The following RERE variants were observed in gnomAD, a reference collection of about 807,000 sequenced individuals.
RERE encodes the protein arginine-glutamic acid dipeptide repeats, also known as arginine-glutamic acid dipeptide repeats protein.
Under a neutral mutation model 146.1 loss-of-function variants are expected in RERE, and 40 were observed. The observed-to-expected ratio is 0.27, with a 90% CI of 0.21 to 0.36. RERE has a LOEUF of 0.36. RERE is among the 10% of genes least tolerant of loss of function. RERE has a pLI of 1.00. For missense variants in RERE, 1,933 were observed against 2,138.7 expected, an observed-to-expected ratio of 0.90 and a Z score of 1.90; for synonymous variants, 1,003 against 866.0, an observed-to-expected ratio of 1.16 and a Z score of -2.78.
At chr1:8,672,498 A>G (rs952713545) in intron 1 of RERE, among the ~76,000 whole-genome samples, 5 of 152,224 alleles carry the variant, frequency 3.3e-5, no homozygotes, top group African/African-American at 1.2e-4. Context: ...AAAGAGATCA[A>G]ATTATCAAAT....
At chr1:8,583,165 A>G (rs187695702) in intron 4 of RERE, among the ~76,000 whole-genome samples, 1 of 152,344 alleles carries the variant, frequency 6.6e-6, no homozygotes, top group African/African-American at 2.4e-5. Context: ...ATAAAAACTA[A>G]CATACTAGAA....
intron 11 of RERE, among the ~76,000 whole-genome samples, chr1:8,461,636 G>T (rs4908500): frequency 6.6e-6 from 1 of 152,040 alleles, no homozygotes. Context: ...CATCATACAC[G>T]CACACTGTCA....
At chr1:8,724,967 C>A (rs1229918234) in intron 1 of RERE, among the ~76,000 whole-genome samples, 2 of 149,424 alleles carry the variant, frequency 1.3e-5, no homozygotes, top group Admixed American at 6.7e-5. Context: ...TTAGTTTACA[C>A]ACCAATTCTG....
intron 12 of RERE, among the ~76,000 whole-genome samples, chr1:8,376,145 A>T (rs1439212289): frequency 6.6e-6 from 1 of 152,258 alleles, no homozygotes; most frequent in East Asian, 1.9e-4. Context: ...GGTTTAAAGC[A>T]CTAAGAGGAA....
At position 8,366,558 on chromosome 1, in the gene RERE, G is replaced by A. The variant is rs1038350883; in HGVS notation, c.1285-584C>T. Among the ~76,000 whole-genome samples the A allele has an allele frequency of 2.0e-5, 3 of 152,152 alleles. No individual in the cohort carries two copies. The East Asian group carries it at 5.8e-4, about 29-fold the overall frequency. On this transcript the variant is annotated intron_variant, in intron 12 of 22. Coordinates refer to ENST00000400908, the MANE Select transcript of RERE (RefSeq NM_001042681.2). ...ACAGAGACCGCATGCTCAGGAAACT[G>A]CTCCACAGCCTCCACCTGGCTCCAT...
intron 1 of RERE, among the ~76,000 whole-genome samples, chr1:8,677,034 T>C (rs1303608110): frequency 1.4e-5 from 2 of 144,620 alleles, no homozygotes; most frequent in East Asian, 1.9e-4. Flanking sequence ...ACAGATCCCC[T>C]GTGCTTGAGC....
At chr1:8,774,894 T>C (rs950667577) in intron 1 of RERE, among the ~76,000 whole-genome samples, 6 of 151,230 alleles carry the variant, frequency 4.0e-5, no homozygotes, top group Non-Finnish European at 2.9e-5. Flanking sequence ...CTGAGGAGAA[T>C]TAAATCATGT....
In RERE at chr1:8,358,713, G is replaced by A. The variant is rs1641414091; in HGVS notation, c.3822C>T (p.Phe1274=). ...VMSPTNRNHP[F]YMPLNPTDPL... is the part of the protein sequence containing the mutation. ...GGTCCGTGGGGTTAAGGGGCATGTA[G>A]AAGGGGTGGTTGCGGTTGGTGGGCG... Residue 1274 remains phenylalanine, a synonymous_variant, in exon 20 of 23, where the codon TTC becomes TTT. Coordinates refer to ENST00000400908, the MANE Select transcript of RERE (RefSeq NM_001042681.2). 6.2e-7 allele frequency: 1 copy of A among 1,602,130 alleles called. No homozygotes were observed. The highest frequency in any genetic ancestry group is 1.3e-5 in the African/African-American group (1 of 74,800).
intron 1 of RERE, among the ~76,000 whole-genome samples, chr1:8,766,456 CTT>C (rs1640847346): frequency 1.3e-5 from 2 of 149,920 alleles, no homozygotes; most frequent in South Asian, 4.2e-4. Flanking sequence ...GGGAGAATCA[CTT>C]GAACCCAGGA....
At chr1:8,780,057 T>C (rs1641137786) in intron 1 of RERE, among the ~76,000 whole-genome samples, 1 of 152,052 alleles carries the variant, frequency 6.6e-6, no homozygotes, top group African/African-American at 2.4e-5. Context: ...TCAGGCATGG[T>C]GTTGTGCACC....
intron 12 of RERE, among the ~76,000 whole-genome samples, chr1:8,404,116 G>A (rs1446759773): frequency 1.3e-5 from 2 of 152,070 alleles, no homozygotes; most frequent in South Asian, 2.1e-4. Flanking sequence ...GGCCTGAGCC[G>A]CTGCACCCAG....
At chr1:8,492,745 T>A (rs981966399) in intron 10 of RERE, among the ~76,000 whole-genome samples, 10 of 151,638 alleles carry the variant, frequency 6.6e-5, no homozygotes, top group African/African-American at 1.9e-4. Context: ...ACAAAAAAAA[T>A]TTTTATTTAA....
chr1:8,805,447 C>T (rs1316032795), intron 1 of RERE, among the ~76,000 whole-genome samples: 1 of 151,696 alleles, frequency 6.6e-6, no homozygotes, highest in African/African-American at 2.4e-5. Context: ...TGAGGAGTTC[C>T]AGACCAGCCT....
At chr1:8,559,980 A>G (rs59020840) in intron 4 of RERE, among the ~76,000 whole-genome samples, 4,293 of 152,338 alleles carry the variant, frequency 0.028, 176 homozygotes, top group African/African-American at 0.097. Context: ...TTAGCCAAGA[A>G]CTTAAGAGGG....
intron 16 of RERE, among the ~76,000 whole-genome samples, chr1:8,362,316 A>G (rs936399520): frequency 1.3e-5 from 2 of 152,210 alleles, no homozygotes; most frequent in African/African-American, 4.8e-5. Flanking sequence ...GTCGATGTAT[A>G]TGAGATTTGA....
intron 11 of RERE, among the ~76,000 whole-genome samples, chr1:8,436,705 AAATT>A (rs1272004199): frequency 6.6e-6 from 1 of 152,244 alleles, no homozygotes; most frequent in African/African-American, 2.4e-5. Flanking sequence ...GAAACAGGTA[AAATT>A]AATTTAAATG....
At chr1:8,561,068 A>T (rs1201140995) in intron 4 of RERE, among the ~76,000 whole-genome samples, 1 of 152,238 alleles carries the variant, frequency 6.6e-6, no homozygotes, top group African/African-American at 2.4e-5. Context: ...GATCTTCTGA[A>T]GTACAATATC....
At chr1:8,638,541 T>C (rs1320333443) in intron 2 of RERE, among the ~76,000 whole-genome samples, 1 of 152,158 alleles carries the variant, frequency 6.6e-6, no homozygotes, top group Non-Finnish European at 1.5e-5. Flanking sequence ...ACAGTTCAGA[T>C]TTACAAGTGG....
At chr1:8,622,334 A>G (rs1225613599) in intron 3 of RERE, among the ~76,000 whole-genome samples, 6 of 152,144 alleles carry the variant, frequency 3.9e-5, no homozygotes, top group Non-Finnish European at 7.3e-5. Context: ...TCACAGCTAT[A>G]TATTTTTCAC....
Sources: gnomAD v4.1 joint callset for allele counts (sites outside exome capture counted in the v4.1 genomes callset) on GRCh38, gnomAD v4.1.1 for gene constraint, MANE v1.5 for transcripts, NCBI Gene and HGNC (gene_info 2026-07-23, HGNC 2026-07-21) for gene names.